Variants in ACER3 observed in about 807,000 individuals in gnomAD.
ACER3 encodes the protein alkaline ceramidase 3, also known as alkCDase 3.
A neutral mutation model predicts 48.9 loss-of-function variants in ACER3; 16 were observed. The observed-to-expected ratio is 0.33, with a 90% CI of 0.22 to 0.50. The LOEUF is 0.50. Among genes scored for constraint, ACER3 ranks in the 20% least tolerant of loss-of-function variants. The pLI, the probability that ACER3 is intolerant of heterozygous loss-of-function variation, is 0.98. For synonymous variants in ACER3, 109 were observed against 107.8 expected, an observed-to-expected ratio of 1.01 and a Z score of -0.07; for missense variants, 227 against 326.0, an observed-to-expected ratio of 0.70 and a Z score of 2.34.
rs1303615237 is a variant in ACER3, at chr11:76,919,606, G to A, written c.104-6951G>A. Among the ~76,000 whole-genome samples the A allele has an allele frequency of 2.0e-5, 3 of 152,098 alleles. No homozygotes were observed. The East Asian group carries it at 5.8e-4, about 29-fold the overall frequency. ...AAATATTTTAGTACACTATTGTGTG[G>A]TGTATGAATGAATATCTCGCTTTTA... is the stretch of plus-strand genomic sequence containing the variant. On this transcript the variant is annotated intron_variant, in intron 1 of 10. Coordinates refer to ENST00000532485, the MANE Select transcript of ACER3 (RefSeq NM_018367.7).
At position 77,013,883 on chromosome 11, in the gene ACER3, A is replaced by G. The variant is rs188156360; in HGVS notation, c.498-1133A>G. Among the ~76,000 whole-genome samples, 124 of 152,332 alleles carry G rather than the reference A, an allele frequency of 8.1e-4. 2 individuals are homozygous for G. Among genetic ancestry groups the G allele is most frequent in the Non-Finnish European group, 3.7e-4 (25 of 68,012 alleles). ...CATACAATGGAGTACCTACTCAACA[A>G]TAAAGGGAAATGAAGTATTGATAAC... On this transcript the variant is annotated intron_variant, in intron 7 of 10. Coordinates refer to ENST00000532485, the MANE Select transcript of ACER3 (RefSeq NM_018367.7).
intron 1 of ACER3, among the ~76,000 whole-genome samples, chr11:76,892,864 A>AG (rs1417381852): frequency 6.6e-6 from 1 of 152,198 alleles, no homozygotes; most frequent in Non-Finnish European, 1.5e-5. Flanking sequence ...GACAAGGAGG[A>AG]GGTCAAATTG....
At chr11:76,906,013 A>G (rs1031309311) in intron 1 of ACER3, among the ~76,000 whole-genome samples, 1 of 152,242 alleles carries the variant, frequency 6.6e-6, no homozygotes, top group Admixed American at 6.5e-5. Flanking sequence ...TATGACATTG[A>G]GAGAAAGCTA....
chr11:77,020,484 A>G lies in ACER3; in HGVS notation c.*157A>G, dbSNP rs1360324840. 1 of 734,882 alleles carries G rather than the reference A, an allele frequency of 1.4e-6. No individual in the cohort carries two copies. Among genetic ancestry groups the G allele is most frequent in the East Asian group, 2.8e-5 (1 of 35,568 alleles). The allele number at this position is 734,882 out of a possible 1,614,324, so 45.5% of individuals were successfully genotyped here. On this transcript the variant is annotated 3_prime_UTR_variant, in exon 11 of 11. Transcript: ENST00000532485. ...GCTGCCACCCACACAGAGAATAAGG[A>G]GTAGGGCCTGCTGGGTGTTTAGCTC...
At chr11:76,993,400 A>C (rs910818609) in intron 6 of ACER3, among the ~76,000 whole-genome samples, 1 of 152,250 alleles carries the variant, frequency 6.6e-6, no homozygotes, top group Non-Finnish European at 1.5e-5. Context: ...ACACAGGCAA[A>C]TAAGATATGG....
intron 2 of ACER3, among the ~76,000 whole-genome samples, chr11:76,934,247 G>A (rs2134873791): frequency 6.6e-6 from 1 of 152,260 alleles, no homozygotes; most frequent in Non-Finnish European, 1.5e-5. Context: ...TAGACGATGG[G>A]CAGCCAGGCA....
chr11:76,945,378 C>T (rs1181535254), intron 2 of ACER3, among the ~76,000 whole-genome samples: 1 of 151,960 alleles, frequency 6.6e-6, no homozygotes, highest in Non-Finnish European at 1.5e-5. Context: ...GAATTTTTTC[C>T]TGAAGATAGA....
At chr11:76,931,899 T>A (rs1054779848) in intron 2 of ACER3, among the ~76,000 whole-genome samples, 7 of 152,114 alleles carry the variant, frequency 4.6e-5, no homozygotes, top group Non-Finnish European at 1.0e-4. Flanking sequence ...GCCCTTAACA[T>A]TTTTTCCTTC....
intron 1 of ACER3, among the ~76,000 whole-genome samples, chr11:76,903,507 A>G (rs1181560517): frequency 7.5e-6 from 1 of 132,766 alleles, no homozygotes; most frequent in Non-Finnish European, 1.6e-5. Flanking sequence ...GGAATCCCAA[A>G]GAAACCTGAA....
chr11:76,958,931 A>G, intron 2 of ACER3, 48 bp from the exon 3 acceptor site: 1 of 1,588,470 alleles, frequency 6.3e-7, no homozygotes, highest in Non-Finnish European at 8.6e-7. Context: ...GTCACTGTCC[A>G]CGCACAAAGA....
chr11:76,864,836 G>A (rs1413442241), intron 1 of ACER3, among the ~76,000 whole-genome samples: 3 of 93,604 alleles, frequency 3.2e-5, no homozygotes, highest in Non-Finnish European at 9.8e-5. Context: ...CTGACCTCAA[G>A]TGATCCACCT....
At chr11:76,926,489 C>T (rs1473327576) in intron 1 of ACER3, 68 bp from the exon 2 acceptor site, 19 of 897,602 alleles carry the variant, frequency 2.1e-5, no homozygotes, top group Non-Finnish European at 3.3e-5. Flanking sequence ...TTAAAGCCTA[C>T]GTGAATGTAT....
intron 3 of ACER3, among the ~76,000 whole-genome samples, chr11:76,965,734 A>C (rs966939542): frequency 2.6e-5 from 4 of 151,198 alleles, no homozygotes; most frequent in Middle Eastern, 3.4e-3. Context: ...GGAGAAATAA[A>C]ATCCTTTACA....
At chr11:76,885,609 G>C (rs1013799651) in intron 1 of ACER3, among the ~76,000 whole-genome samples, 1 of 152,136 alleles carries the variant, frequency 6.6e-6, no homozygotes, top group Non-Finnish European at 1.5e-5. Context: ...GAACAGGCAA[G>C]GCATTATGAG....
intron 1 of ACER3, among the ~76,000 whole-genome samples, chr11:76,876,488 A>G (rs1341257190): frequency 1.3e-5 from 2 of 152,204 alleles, no homozygotes; most frequent in African/African-American, 4.8e-5. Context: ...TTAGGTGTGG[A>G]CAATTATAAG....
chr11:77,022,911 A>G lies in ACER3; in HGVS notation c.*2584A>G. ...AAAAAAAGAAAAGAAAAGAAAATAT[A>G]AGGATGTAAAAGAAGCAATTTGCTT... On this transcript the variant is annotated 3_prime_UTR_variant, in exon 11 of 11. Transcript: ENST00000532485. 1 of 376,502 alleles carries G rather than the reference A, an allele frequency of 2.7e-6. No individual in the cohort carries two copies. The highest frequency in any genetic ancestry group is 4.7e-6 in the Non-Finnish European group (1 of 212,864). The allele number at this position is 376,502 out of a possible 1,614,324, so 23.3% of individuals were successfully genotyped here.
In ACER3 at chr11:76,879,829, T is replaced by C. The variant is rs568235780; in HGVS notation, c.103+18750T>C. 2.0e-5 allele frequency among the ~76,000 whole-genome samples: 3 copies of C among 152,222 alleles called. No individual in the cohort carries two copies. The East Asian group carries it at 5.8e-4, about 29-fold the overall frequency. ...TTGCTTGTATTTTTGGCAGGATTGA[T>C]TTTTGCCAGGATTTTTGCATCTTTG... On this transcript the variant is annotated intron_variant, in intron 1 of 10. Transcript: ENST00000532485.
chr11:76,942,291 T>C (rs1193701068), intron 2 of ACER3, among the ~76,000 whole-genome samples: 2 of 152,192 alleles, frequency 1.3e-5, no homozygotes, highest in East Asian at 3.8e-4. Context: ...AAGTATGATG[T>C]TGGCTATGGA....
chr11:76,964,777 A>G (rs1302132872), intron 3 of ACER3, among the ~76,000 whole-genome samples: 1 of 151,410 alleles, frequency 6.6e-6, no homozygotes, highest in Non-Finnish European at 1.5e-5. Flanking sequence ...GACAACTAAC[A>G]AACAGAAAGG....
Sources: allele counts gnomAD v4.1 joint callset (sites outside exome capture counted in the v4.1 genomes callset), GRCh38; gene constraint gnomAD v4.1.1; transcripts MANE v1.5; gene names NCBI Gene and HGNC (gene_info 2026-07-23, HGNC 2026-07-21).